Variants in GPC5 observed in about 807,000 individuals in gnomAD.
GPC5 encodes the protein glypican-5.
Under a neutral mutation model 53.9 loss-of-function variants are expected in GPC5, and 47 were observed. The ratio of observed to expected loss-of-function variants is 0.87; its 90% CI spans 0.69 to 1.11. The LOEUF is 1.11. Ranked by LOEUF, GPC5 falls within the 50% of genes most tolerant of loss-of-function variation. The pLI is 0.00. For missense variants in GPC5, 748 were observed against 713.1 expected (o/e 1.05, Z -0.56); for synonymous variants, 286 against 263.3 (o/e 1.09, Z -0.84).
intron 2 of GPC5, among the ~76,000 whole-genome samples, chr13:91,612,994 T>C (rs1001414817): frequency 1.3e-5 from 2 of 152,170 alleles, no homozygotes; most frequent in Non-Finnish European, 2.9e-5. Flanking sequence ...ACTCAAATCC[T>C]GGATCCACCA....
At chr13:91,876,635 G>C in intron 5 of GPC5, among the ~76,000 whole-genome samples, 1 of 152,180 alleles carries the variant, frequency 6.6e-6, no homozygotes, top group East Asian at 1.9e-4. Context: ...GCTGTCAAAG[G>C]CATTCAGTTT....
intron 7 of GPC5, among the ~76,000 whole-genome samples, chr13:92,836,897 T>G (rs540128473): frequency 3.3e-5 from 5 of 152,140 alleles, no homozygotes; most frequent in Admixed American, 2.0e-4. Context: ...TAAATAATGG[T>G]TGTCCAGAAA....
chr13:92,370,700 C>T (rs2043643151), intron 7 of GPC5, among the ~76,000 whole-genome samples: 1 of 152,106 alleles, frequency 6.6e-6, no homozygotes, highest in Admixed American at 6.6e-5. Context: ...AACTACTGTA[C>T]ATAGTACATT....
chr13:91,870,658 G>T (rs1237841134), intron 5 of GPC5, among the ~76,000 whole-genome samples: 1 of 152,108 alleles, frequency 6.6e-6, no homozygotes, highest in Non-Finnish European at 1.5e-5. Flanking sequence ...ATATTCTGGA[G>T]AACTATGTAA....
chr13:92,475,597 T>G (rs899660156), intron 7 of GPC5, among the ~76,000 whole-genome samples: 1 of 152,024 alleles, frequency 6.6e-6, no homozygotes, highest in African/African-American at 2.4e-5. Context: ...TTAAAGGAGA[T>G]TTTGGGCTGA....
At chr13:91,875,498 T>G (rs963895785) in intron 5 of GPC5, among the ~76,000 whole-genome samples, 7 of 152,302 alleles carry the variant, frequency 4.6e-5, no homozygotes, top group Admixed American at 2.0e-4. Context: ...AGATACTACT[T>G]AATAGGATGT....
At chr13:92,166,661 C>A (rs2042029938) in intron 7 of GPC5, among the ~76,000 whole-genome samples, 1 of 152,038 alleles carries the variant, frequency 6.6e-6, no homozygotes, top group Non-Finnish European at 1.5e-5. Context: ...TGTGCTTGTG[C>A]TGAATAATTC....
At chr13:92,661,858 T>A (rs1250342997) in intron 7 of GPC5, among the ~76,000 whole-genome samples, 1 of 152,210 alleles carries the variant, frequency 6.6e-6, no homozygotes, top group African/African-American at 2.4e-5. Flanking sequence ...CTCCTCTACC[T>A]CTTCCTATCT....
intron 2 of GPC5, among the ~76,000 whole-genome samples, chr13:91,569,943 C>G (rs975605626): frequency 6.6e-6 from 1 of 152,066 alleles, no homozygotes; most frequent in Non-Finnish European, 1.5e-5. Flanking sequence ...ATTACCCATT[C>G]TCATGTATTT....
At chr13:91,956,853 T>C (rs1049837441) in intron 6 of GPC5, among the ~76,000 whole-genome samples, 1 of 152,010 alleles carries the variant, frequency 6.6e-6, no homozygotes, top group African/African-American at 2.4e-5. Context: ...ATTTTAAAAA[T>C]AGGAAGAAGG....
Position 91,563,556 on chromosome 13 carries a change from G to A in GPC5, c.325+114634G>A, listed in dbSNP as rs2031385482. ...TATTAGCAACTTCACAGAAGTTTAA[G>A]CAGTATACTATGTTATAAATAGAAC... is the stretch of plus-strand genomic sequence containing the variant. On this transcript the variant is annotated intron_variant, in intron 2 of 7. Transcript: ENST00000377067. 4.6e-5 allele frequency among the ~76,000 whole-genome samples: 7 copies of A among 152,110 alleles called. No homozygotes were observed. In the South Asian group the frequency reaches 1.5e-3, roughly 32 times the overall value.
chr13:92,630,727 A>G (rs1331809098), intron 7 of GPC5, among the ~76,000 whole-genome samples: 1 of 152,188 alleles, frequency 6.6e-6, no homozygotes, highest in Non-Finnish European at 1.5e-5. Context: ...ATTATTAGGA[A>G]TAATTTGAAT....
intron 7 of GPC5, among the ~76,000 whole-genome samples, chr13:92,577,806 A>G (rs910671322): frequency 6.6e-6 from 1 of 152,182 alleles, no homozygotes; most frequent in Non-Finnish European, 1.5e-5. Context: ...TAAGAAACAG[A>G]GACTATGCAA....
intron 7 of GPC5, among the ~76,000 whole-genome samples, chr13:92,313,121 T>G (rs990218145): frequency 6.6e-6 from 1 of 152,114 alleles, no homozygotes; most frequent in Non-Finnish European, 1.5e-5. Context: ...CCTCTCTCTC[T>G]CCATGAAATG....
At chr13:91,489,703 C>A (rs1437505362) in intron 2 of GPC5, among the ~76,000 whole-genome samples, 1 of 152,102 alleles carries the variant, frequency 6.6e-6, no homozygotes, top group African/African-American at 2.4e-5. Context: ...CTAAGGGAGC[C>A]AAATAGCCTC....
intron 5 of GPC5, among the ~76,000 whole-genome samples, chr13:91,770,708 G>T (rs1261763889): frequency 7.0e-6 from 1 of 141,864 alleles, no homozygotes; most frequent in African/African-American, 2.9e-5. Context: ...GTGTGTTTGT[G>T]TGTGTGTGTG....
intron 7 of GPC5, among the ~76,000 whole-genome samples, chr13:92,660,233 C>T (rs1009832777): frequency 4.6e-5 from 7 of 151,970 alleles, no homozygotes; most frequent in African/African-American, 1.7e-4. Context: ...TCACGTATTT[C>T]ATTCATTTTG....
intron 2 of GPC5, among the ~76,000 whole-genome samples, chr13:91,523,362 A>T (rs1338925248): frequency 6.6e-6 from 1 of 152,220 alleles, no homozygotes; most frequent in Non-Finnish European, 1.5e-5. Context: ...CAACGGATAA[A>T]GTAATTTTCT....
intron 4 of GPC5, among the ~76,000 whole-genome samples, chr13:91,737,635 T>C (rs1265935133): frequency 1.3e-5 from 2 of 151,610 alleles, no homozygotes; most frequent in African/African-American, 4.9e-5. Context: ...TTTCAAATTA[T>C]ATTGTCATAG....
Sources: gnomAD v4.1 joint callset for allele counts (sites outside exome capture counted in the v4.1 genomes callset) on GRCh38, gnomAD v4.1.1 for gene constraint, MANE v1.5 for transcripts, NCBI Gene and HGNC (gene_info 2026-07-23, HGNC 2026-07-21) for gene names.